Variants in DCLK1 observed in about 807,000 individuals in gnomAD.
The protein encoded by DCLK1 is doublecortin like kinase 1, also known as serine/threonine-protein kinase DCLK1.
Under a neutral mutation model 86.2 loss-of-function variants are expected in DCLK1, and 16 were observed. The ratio of observed to expected loss-of-function variants is 0.19; its 90% CI spans 0.13 to 0.28. The LOEUF (loss-of-function observed/expected upper bound fraction) is 0.28, where lower values mean the gene tolerates loss of function less well. Ranked by LOEUF, DCLK1 falls within the 10% of genes least tolerant of loss-of-function variation. The pLI is 1.00. For synonymous variants in DCLK1, 369 were observed against 370.5 expected (o/e 1.00, Z 0.05); for missense variants, 590 against 940.2 (o/e 0.63, Z 4.87).
At chr13:36,111,811 C>A in intron 3 of DCLK1, 58 bp downstream of exon 3, 8 of 1,506,624 alleles carry the variant, frequency 5.3e-6, no homozygotes, top group Non-Finnish European at 7.2e-6. Context: ...CCACGTACAC[C>A]CTCCGACTCC....
At chr13:35,911,793 T>G (rs1218514107) in intron 4 of DCLK1, among the ~76,000 whole-genome samples, 1 of 152,176 alleles carries the variant, frequency 6.6e-6, no homozygotes, top group African/African-American at 2.4e-5. Flanking sequence ...ATATACACCC[T>G]TTAACTTATA....
intron 15 of DCLK1, among the ~76,000 whole-genome samples, chr13:35,802,677 T>A (rs561149531): frequency 6.6e-6 from 1 of 152,236 alleles, no homozygotes; most frequent in South Asian, 2.1e-4. Flanking sequence ...AAAGCCACCA[T>A]TCTTCAACAA....
chr13:35,942,385 C>T (rs534396764), intron 4 of DCLK1, among the ~76,000 whole-genome samples: 100 of 152,256 alleles, frequency 6.6e-4, no homozygotes, highest in Non-Finnish European at 1.0e-4. Context: ...CCAGGATGGT[C>T]TTGATCTCCT....
chr13:36,033,151 G>A lies in DCLK1; in HGVS notation c.723+78718C>T, dbSNP rs191349784. ...GCTTTTAAAATATGAACCACTTAACGACATTTACATGCAGTTTGTGTTCAA... is the reference window on the plus strand; with the variant it reads ...GCTTTTAAAATATGAACCACTTAACAACATTTACATGCAGTTTGTGTTCAA... On this transcript the variant is annotated intron_variant, in intron 3 of 16. Transcript: ENST00000360631. 5.3e-5 allele frequency among the ~76,000 whole-genome samples: 8 copies of A among 152,286 alleles called. No individual in the cohort carries two copies. In the East Asian group the frequency reaches 1.2e-3, roughly 22 times the overall value.
At chr13:35,936,343 A>T (rs1876748545) in intron 4 of DCLK1, among the ~76,000 whole-genome samples, 1 of 152,252 alleles carries the variant, frequency 6.6e-6, no homozygotes, top group African/African-American at 2.4e-5. Flanking sequence ...CCCAGACTCC[A>T]AGGAGATGTG....
chr13:36,067,223 C>T (rs1471149499), intron 3 of DCLK1, among the ~76,000 whole-genome samples: 12 of 132,922 alleles, frequency 9.0e-5, no homozygotes, highest in African/African-American at 1.1e-4. Flanking sequence ...GAATACTATG[C>T]AGCCATAAAA....
intron 3 of DCLK1, among the ~76,000 whole-genome samples, chr13:36,049,527 C>T (rs1019245241): frequency 3.9e-5 from 6 of 152,062 alleles, no homozygotes; most frequent in Non-Finnish European, 8.8e-5. Context: ...CTGGCTGTCC[C>T]ATGTGGTCTA....
chr13:35,998,332 A>C (rs1262934806), intron 3 of DCLK1, among the ~76,000 whole-genome samples: 3 of 152,166 alleles, frequency 2.0e-5, no homozygotes, highest in Non-Finnish European at 2.9e-5. Flanking sequence ...TTATCATCCT[A>C]AAAAGAAAAA....
chr13:35,776,274 T>C (rs2086422812), intron 16 of DCLK1, among the ~76,000 whole-genome samples: 1 of 152,212 alleles, frequency 6.6e-6, no homozygotes, highest in African/African-American at 2.4e-5. Flanking sequence ...CAAAGCAAAC[T>C]GAAATGTTCT....
chr13:35,825,092 A>T (rs1263364477), intron 10 of DCLK1, among the ~76,000 whole-genome samples: 2 of 152,250 alleles, frequency 1.3e-5, no homozygotes, highest in Non-Finnish European at 2.9e-5. Flanking sequence ...CCTGATGAGC[A>T]TGGAATTTCA....
At position 35,769,560 on chromosome 13, in the gene DCLK1, G is replaced by T. The variant is rs2086292987; in HGVS notation, c.*4975C>A. The T allele has an allele frequency of 6.6e-6, 1 of 151,944 alleles. No individual in the cohort carries two copies. The highest frequency in any genetic ancestry group is 1.5e-5 in the Non-Finnish European group (1 of 67,996). The allele number at this position is 151,944 out of a possible 1,614,324, so 9.4% of individuals were successfully genotyped here. On this transcript the variant is annotated 3_prime_UTR_variant, in exon 17 of 17. Transcript: ENST00000360631. ...GAATACACCAAAGATTAATGTCAAT[G>T]GCAAGTGAGAAATTGTCCCTAGAGA...
rs1295657610 is a variant in DCLK1 at position 35,865,342 on chromosome 13, A to G, written c.940+5882T>C. Among the ~76,000 whole-genome samples, 6 of 152,190 alleles carry G rather than the reference A, an allele frequency of 3.9e-5. No individual in the cohort carries two copies. In the East Asian group the frequency reaches 1.2e-3, roughly 29 times the overall value. On this transcript the variant is annotated intron_variant, in intron 5 of 16. Transcript: ENST00000360631. Reference sequence around the variant, plus strand: ...TGTATGAAGAATCAAACCCATATGAAACTCCTTATTCCTTATGATGCTCTT... The same window carrying G: ...TGTATGAAGAATCAAACCCATATGAGACTCCTTATTCCTTATGATGCTCTT...
chr13:36,045,326 GTGTGTGTATATATATATATA>G (rs1421428187), intron 3 of DCLK1, among the ~76,000 whole-genome samples: 215 of 60,930 alleles, frequency 3.5e-3, no homozygotes, highest in African/African-American at 0.01. Context: ...ATATGTGTGT[GTGTGTGTATATATATATATA>G]TATATATATA....
chr13:35,991,780 T>A (rs1350529055), intron 3 of DCLK1, among the ~76,000 whole-genome samples: 1 of 152,210 alleles, frequency 6.6e-6, no homozygotes, highest in East Asian at 1.9e-4. Flanking sequence ...AAGATTCTTC[T>A]CTTCCCCCCA....
At chr13:36,037,546 C>T (rs770375451) in intron 3 of DCLK1, among the ~76,000 whole-genome samples, 3 of 151,912 alleles carry the variant, frequency 2.0e-5, no homozygotes, top group Non-Finnish European at 4.4e-5. Context: ...TGCAGTGGTG[C>T]GATCTCAGCT....
At chr13:36,126,853 T>G (rs372450292) in intron 1 of DCLK1, among the ~76,000 whole-genome samples, 1 of 152,210 alleles carries the variant, frequency 6.6e-6, no homozygotes, top group Non-Finnish European at 1.5e-5. Flanking sequence ...CAAAGTATTG[T>G]CCTTCCTTAC....
chr13:35,996,975 C>G (rs996676010), intron 3 of DCLK1, among the ~76,000 whole-genome samples: 1 of 152,160 alleles, frequency 6.6e-6, no homozygotes, highest in Non-Finnish European at 1.5e-5. Flanking sequence ...CAGTGAAGCC[C>G]TTTAAAGCCC....
At chr13:35,945,959 G>T (rs1379903224) in intron 4 of DCLK1, among the ~76,000 whole-genome samples, 1 of 152,126 alleles carries the variant, frequency 6.6e-6, no homozygotes. Flanking sequence ...TTGGGCATCT[G>T]AAGTTTTCAT....
At chr13:36,023,496 C>T (rs529335257) in intron 3 of DCLK1, among the ~76,000 whole-genome samples, 5 of 152,218 alleles carry the variant, frequency 3.3e-5, no homozygotes, top group South Asian at 2.1e-4. Context: ...AGGTCTTAGG[C>T]CAATAGAATG....
Sources: gnomAD v4.1 joint callset for allele counts (sites outside exome capture counted in the v4.1 genomes callset) on GRCh38, gnomAD v4.1.1 for gene constraint, MANE v1.5 for transcripts, NCBI Gene and HGNC (gene_info 2026-07-23, HGNC 2026-07-21) for gene names.